Variants in LRRC9 observed in about 807,000 individuals in gnomAD.
The protein encoded by LRRC9 is leucine-rich repeat-containing protein 9.
Under a neutral mutation model 63.2 loss-of-function variants are expected in LRRC9, and 122 were observed. The ratio of observed to expected loss-of-function variants is 1.93; its 90% CI spans 1.67 to 2.24. The LOEUF is 2.24. LRRC9 is among the 30% of genes most tolerant of loss of function. LRRC9 has a pLI of 0.00. For missense variants in LRRC9, 1,071 were observed against 627.7 expected, an observed-to-expected ratio of 1.71 and a Z score of -7.55; for synonymous variants, 366 against 213.1, an observed-to-expected ratio of 1.72 and a Z score of -6.25.
intron 29 of LRRC9, among the ~76,000 whole-genome samples, chr14:60,034,510 C>T (rs1329618130): frequency 2.0e-5 from 3 of 152,028 alleles, no homozygotes; most frequent in African/African-American, 4.8e-5. Flanking sequence ...CCCCGCTCCC[C>T]GTCCCAGACT....
chr14:60,011,550 C>T (rs184013367), intron 23 of LRRC9, among the ~76,000 whole-genome samples: 23 of 152,140 alleles, frequency 1.5e-4, no homozygotes, highest in East Asian at 1.2e-3. Flanking sequence ...TCCTAGTGAG[C>T]GTGATTTTCA....
At chr14:59,988,612 G>T (rs963428) in intron 17 of LRRC9, among the ~76,000 whole-genome samples, 2,389 of 152,102 alleles carry the variant, frequency 0.016, 82 homozygotes, top group East Asian at 0.15. Context: ...TTACTGGAAA[G>T]ATTTTCTAAA....
At chr14:60,006,451 C>T (rs1889815933) in exon 22 of LRRC9, 1 of 701,176 alleles carries the variant, frequency 1.4e-6, no homozygotes, top group African/African-American at 1.7e-5. Context: ...AATCTTCTCA[C>T]TGGTTGGGAA....
chr14:60,020,832 C>T (rs1261263795), intron 26 of LRRC9, among the ~76,000 whole-genome samples: 1 of 151,794 alleles, frequency 6.6e-6, no homozygotes, highest in East Asian at 1.9e-4. Context: ...ATATATTGGC[C>T]ATTTCACTGT....
At chr14:59,944,160 C>G (rs936022795) in intron 7 of LRRC9, among the ~76,000 whole-genome samples, 27 of 151,832 alleles carry the variant, frequency 1.8e-4, no homozygotes, top group African/African-American at 5.8e-4. Context: ...CTTAGCCATG[C>G]TTTTAAAAAA....
At chr14:60,002,537 CAA>C (rs1889468606) in intron 20 of LRRC9, among the ~76,000 whole-genome samples, 1 of 152,066 alleles carries the variant, frequency 6.6e-6, no homozygotes, top group Non-Finnish European at 1.5e-5. Context: ...ATGCTTATAT[CAA>C]GTTATACATC....
At chr14:59,978,514 A>G (rs1479950985) in intron 15 of LRRC9, among the ~76,000 whole-genome samples, 2 of 152,218 alleles carry the variant, frequency 1.3e-5, no homozygotes, top group East Asian at 3.8e-4. Context: ...ATTTACATAT[A>G]TAATAACAGA....
chr14:60,016,772 G>T (rs535849415), exon 24 of LRRC9: 1 of 695,130 alleles, frequency 1.4e-6, no homozygotes, highest in Admixed American at 2.0e-5. Flanking sequence ...GAACTAAATT[G>T]GACTTCATCA....
At position 59,942,812 on chromosome 14, in the gene LRRC9, C is replaced by G. The variant is rs1256602693; in HGVS notation, c.727-1777C>G. 2.0e-5 allele frequency among the ~76,000 whole-genome samples: 3 copies of G among 151,760 alleles called. No individual in the cohort carries two copies. The highest frequency in any genetic ancestry group is 7.3e-5 in the African/African-American group (3 of 41,270). Reference sequence around the variant, plus strand: ...TTCTGTCTTTTTGATAATAGCCATTCTAACTAGGTGAGATTATATTGTGAT... The same window carrying G: ...TTCTGTCTTTTTGATAATAGCCATTGTAACTAGGTGAGATTATATTGTGAT... On this transcript the variant is annotated intron_variant, in intron 7 of 31. Coordinates refer to ENST00000445360, the Ensembl canonical transcript of LRRC9. The surrounding 1 kb of genome is among the most constrained non-coding windows in gnomAD (Gnocchi z 5.3).
At chr14:60,040,594 T>C (rs11158274) in intron 29 of LRRC9, among the ~76,000 whole-genome samples, 29,032 of 151,876 alleles carry the variant, frequency 0.19, 3,579 homozygotes, top group East Asian at 0.49. Context: ...CTGCATTTTT[T>C]TGTTTTCCAT....
At chr14:59,982,579 G>A (rs1887047125) in intron 16 of LRRC9, among the ~76,000 whole-genome samples, 1 of 152,118 alleles carries the variant, frequency 6.6e-6, no homozygotes, top group African/African-American at 2.4e-5. Flanking sequence ...CAAGATAATA[G>A]ACCCACTCCT....
intron 6 of LRRC9, among the ~76,000 whole-genome samples, chr14:59,937,750 TAAG>T (rs1356895044): frequency 5.9e-5 from 9 of 152,154 alleles, no homozygotes; most frequent in African/African-American, 2.2e-4. Context: ...TAAAATATGT[TAAG>T]GAGAAACATT....
At chr14:59,963,981 T>C (rs768474792) in intron 10 of LRRC9, among the ~76,000 whole-genome samples, 4 of 152,338 alleles carry the variant, frequency 2.6e-5, no homozygotes, top group South Asian at 2.1e-4. Context: ...TGTAGGCATC[T>C]TTCTGTGTAA....
rs1371351787 is a variant in LRRC9 at position 59,977,351 on chromosome 14, T to C, written c.1762+4T>C. The C allele has an allele frequency of 1.5e-6, 1 of 681,318 alleles. No individual in the cohort carries two copies. Among genetic ancestry groups the C allele is most frequent in the South Asian group, 1.6e-5 (1 of 62,754 alleles). 42.2% of individuals were successfully genotyped at this position (681,318 alleles called of 1,614,324 possible). A position where few individuals can be genotyped will look rare whatever the true frequency, so the allele number is the denominator to read the frequency against. On this transcript the variant is annotated splice_donor_region_variant and intron_variant, in intron 14 of 31. Coordinates refer to ENST00000445360, the Ensembl canonical transcript of LRRC9. ...ATTCCTCGGAAATATTTACTAAGTA[T>C]GTCTATCATAAAGATTAATGTGGTT...
rs1470869124 is a variant in LRRC9, at chr14:59,966,825, T to A, written c.1388+60T>A. 1 of 549,452 alleles carries A rather than the reference T, an allele frequency of 1.8e-6. No individual in the cohort carries two copies. The highest frequency in any genetic ancestry group is 1.9e-5 in the African/African-American group (1 of 53,384). 34.0% of individuals were successfully genotyped at this position (549,452 alleles called of 1,614,324 possible). ...AAAAGTGTGACTGTATTTGTAAAAT[T>A]TCTATTTTAAAAGTTTACAGCATTA... On this transcript the variant is annotated intron_variant, in intron 11 of 31. Coordinates refer to ENST00000445360, the Ensembl canonical transcript of LRRC9. This position sits in a 1 kb window ranked among gnomAD's most constrained non-coding sequence, Gnocchi z 4.0.
chr14:60,043,795 G>C (rs922824466), intron 29 of LRRC9, among the ~76,000 whole-genome samples: 5 of 118,874 alleles, frequency 4.2e-5, no homozygotes, highest in African/African-American at 1.7e-4. Flanking sequence ...CTTTGTTTTG[G>C]TATCAGGGTA....
chr14:60,040,646 T>C (rs1026385439), intron 29 of LRRC9, among the ~76,000 whole-genome samples: 17 of 152,060 alleles, frequency 1.1e-4, no homozygotes, highest in African/African-American at 3.9e-4. Flanking sequence ...TTTGAGCCTA[T>C]GTGTGTCTCT....
At chr14:59,928,435 A>G (rs1225971394) in exon 3 of LRRC9, 1 of 696,120 alleles carries the variant, frequency 1.4e-6, no homozygotes, top group Admixed American at 2.0e-5. Context: ...TTTCAGGGTT[A>G]GAGCCTTGTT....
At chr14:59,934,486 G>A (rs973405354) in intron 6 of LRRC9, among the ~76,000 whole-genome samples, 2 of 152,194 alleles carry the variant, frequency 1.3e-5, no homozygotes, top group Admixed American at 1.3e-4. Context: ...GCAAGAGTGT[G>A]AAGCGATGCT....
Sources: gnomAD v4.1 joint callset for allele counts (sites outside exome capture counted in the v4.1 genomes callset) on GRCh38, gnomAD v4.1.1 for gene constraint, Gnocchi (gnomAD v3.1) non-coding constraint, MANE v1.5 for transcripts, NCBI Gene and HGNC (gene_info 2026-07-23, HGNC 2026-07-21) for gene names.